Variants in NXPE2 observed in about 807,000 individuals in gnomAD.
NXPE2 encodes NXPE family member 2.
A neutral mutation model predicts 34.4 loss-of-function variants in NXPE2; 34 were observed. The ratio of observed to expected loss-of-function variants is 0.99; its 90% CI spans 0.75 to 1.31. NXPE2 has a LOEUF of 1.31. NXPE2 is among the 40% of genes most tolerant of loss of function. The pLI, the probability that NXPE2 is intolerant of heterozygous loss-of-function variation, is 0.00. For synonymous variants in NXPE2, 235 were observed against 231.3 expected (o/e 1.02, Z -0.15); for missense variants, 649 against 672.5 (o/e 0.97, Z 0.39).
the NXPE2 span, among the ~76,000 whole-genome samples, chr11:114,665,128 T>C: frequency 4.6e-5 from 7 of 152,302 alleles, no homozygotes; most frequent in African/African-American, 1.7e-4. Context: ...ATTATAGATA[T>C]ATAAAGTAGC....
chr11:114,550,260 G>A, the NXPE2 span, among the ~76,000 whole-genome samples: 5 of 152,240 alleles, frequency 3.3e-5, no homozygotes, highest in African/African-American at 1.2e-4. Flanking sequence ...GTTACAAAAC[G>A]TATGGGGAAT....
intron 2 of NXPE2, among the ~76,000 whole-genome samples, chr11:114,694,017 C>A (rs1951202395): frequency 6.6e-6 from 1 of 152,166 alleles, no homozygotes; most frequent in Non-Finnish European, 1.5e-5. Flanking sequence ...AATATGTTCC[C>A]TGGCCTTTTG....
the NXPE2 span, among the ~76,000 whole-genome samples, chr11:114,477,262 C>T: frequency 6.6e-6 from 1 of 152,186 alleles, no homozygotes; most frequent in Non-Finnish European, 1.5e-5. Flanking sequence ...TTCAGTTAGA[C>T]AAGATGAGAA....
chr11:114,659,459 G>GA, the NXPE2 span, among the ~76,000 whole-genome samples: 1,927 of 145,576 alleles, frequency 0.013, 51 homozygotes, highest in African/African-American at 0.042. Flanking sequence ...AAAGAGTGAA[G>GA]AAAAAAAAAA....
the NXPE2 span, among the ~76,000 whole-genome samples, chr11:114,500,153 C>CA: frequency 6.6e-6 from 1 of 151,862 alleles, no homozygotes; most frequent in Admixed American, 6.6e-5. Context: ...ATTTCTGGGC[C>CA]AAGGGGTATG....
chr11:114,776,378 C>G, the NXPE2 span, among the ~76,000 whole-genome samples: 1 of 152,258 alleles, frequency 6.6e-6, no homozygotes, highest in African/African-American at 2.4e-5. Context: ...TGCTGAGGCT[C>G]CCATCTGCGG....
the NXPE2 span, chr11:114,530,455 G>GC: frequency 6.2e-7 from 1 of 1,614,192 alleles, no homozygotes; most frequent in Non-Finnish European, 8.5e-7. Context: ...CCTTCACTGG[G>GC]GTGGATGAGC....
At chr11:114,565,746 T>G in the NXPE2 span, among the ~76,000 whole-genome samples, 4 of 152,288 alleles carry the variant, frequency 2.6e-5, no homozygotes, top group South Asian at 8.3e-4. Context: ...TATCCAGGGA[T>G]GTAAAATGAT....
At chr11:114,511,333 C>A in the NXPE2 span, among the ~76,000 whole-genome samples, 6 of 152,198 alleles carry the variant, frequency 3.9e-5, no homozygotes, top group Non-Finnish European at 8.8e-5. Context: ...CCTTCGTCTT[C>A]TTGCCTGGAA....
At chr11:114,582,345 T>C in the NXPE2 span, 1 of 1,610,606 alleles carries the variant, frequency 6.2e-7, no homozygotes, top group Non-Finnish European at 8.5e-7. Flanking sequence ...GTTCTTAGAA[T>C]ACATGTGAGT....
At chr11:114,652,175 G>A in the NXPE2 span, among the ~76,000 whole-genome samples, 1 of 152,196 alleles carries the variant, frequency 6.6e-6, no homozygotes, top group Admixed American at 6.5e-5. Context: ...AGATAAGCAG[G>A]GAGAGAAGGG....
chr11:114,661,099 G>T, the NXPE2 span, among the ~76,000 whole-genome samples: 3 of 152,176 alleles, frequency 2.0e-5, no homozygotes, highest in Non-Finnish European at 2.9e-5. Flanking sequence ...CATGATGAAA[G>T]AAATCAAAGA....
the NXPE2 span, among the ~76,000 whole-genome samples, chr11:114,639,176 C>T: frequency 3.3e-5 from 5 of 151,954 alleles, no homozygotes; most frequent in East Asian, 7.7e-4. Flanking sequence ...CAATGGTGGG[C>T]ACCCCTCCCC....
chr11:114,577,374 T>C, the NXPE2 span, among the ~76,000 whole-genome samples: 1 of 151,712 alleles, frequency 6.6e-6, no homozygotes, highest in African/African-American at 2.4e-5. Context: ...TTAAGAATGA[T>C]ACAGTGGACT....
the NXPE2 span, among the ~76,000 whole-genome samples, chr11:114,620,280 GATA>G: frequency 1.3e-5 from 2 of 151,996 alleles, no homozygotes; most frequent in Admixed American, 6.6e-5. Flanking sequence ...TTACCCGGTG[GATA>G]ATAAGTAATG....
At chr11:114,776,243 C>T in the NXPE2 span, among the ~76,000 whole-genome samples, 7 of 152,346 alleles carry the variant, frequency 4.6e-5, no homozygotes, top group South Asian at 1.2e-3. Context: ...GGAGAGCCCA[C>T]GAGGAGCAAG....
At chr11:114,812,592 C>A in the NXPE2 span, among the ~76,000 whole-genome samples, 1 of 152,082 alleles carries the variant, frequency 6.6e-6, no homozygotes, top group Non-Finnish European at 1.5e-5. Flanking sequence ...TGAGCAAAAA[C>A]CTAAGAAATT....
At chr11:114,519,240 G>A in the NXPE2 span, among the ~76,000 whole-genome samples, 7 of 152,082 alleles carry the variant, frequency 4.6e-5, no homozygotes, top group East Asian at 9.6e-4. Flanking sequence ...TTGGCAAAAA[G>A]GTTCATTCTG....
At chr11:114,522,131 T>C in the NXPE2 span, 3 of 1,614,006 alleles carry the variant, frequency 1.9e-6, no homozygotes, top group African/African-American at 1.3e-5. Flanking sequence ...AATATAACCA[T>C]GGAAGTCTCC....
Sources: gnomAD v4.1 joint callset for allele counts (sites outside exome capture counted in the v4.1 genomes callset) on GRCh38, gnomAD v4.1.1 for gene constraint, MANE v1.5 for transcripts, NCBI Gene and HGNC (gene_info 2026-07-23, HGNC 2026-07-21) for gene names.